PLGRKT: variants seen among roughly 807,000 people sequenced by gnomAD.
PLGRKT encodes plasminogen receptor (KT).
PLGRKT carries 22 observed loss-of-function variants against 18.5 expected under a neutral mutation model. That is an observed-to-expected ratio of 1.19 (90% CI 0.85 to 1.70). PLGRKT has a LOEUF of 1.70. PLGRKT is among the 40% of genes most tolerant of loss of function. The pLI is 0.00. For missense variants in PLGRKT, 235 were observed against 174.4 expected (o/e 1.35, Z -1.96); for synonymous variants, 72 against 52.8 (o/e 1.36, Z -1.58).
chr9:5,425,864 T>TA (rs1022179887), intron 3 of PLGRKT, among the ~76,000 whole-genome samples: 20 of 152,164 alleles, frequency 1.3e-4, no homozygotes, highest in Non-Finnish European at 2.2e-4. Flanking sequence ...AATAAAGAAC[T>TA]AAAAAAACTC....
intron 3 of PLGRKT, among the ~76,000 whole-genome samples, chr9:5,430,334 C>T (rs1043559457): frequency 1.3e-5 from 2 of 152,198 alleles, no homozygotes; most frequent in Admixed American, 6.5e-5. Flanking sequence ...ACGTGCTAAG[C>T]ATCGGATAGC....
chr9:5,403,404 T>C (rs1381440930), intron 3 of PLGRKT, among the ~76,000 whole-genome samples: 1 of 152,024 alleles, frequency 6.6e-6, no homozygotes, highest in Admixed American at 6.5e-5. Flanking sequence ...TCTGTATTTT[T>C]AGTAGAAACG....
chr9:5,378,735 C>A (rs1001183170), intron 3 of PLGRKT, among the ~76,000 whole-genome samples: 5 of 151,452 alleles, frequency 3.3e-5, no homozygotes, highest in African/African-American at 9.7e-5. Context: ...TGACATGAAG[C>A]AAAACTGTTG....
intron 3 of PLGRKT, among the ~76,000 whole-genome samples, chr9:5,376,064 T>C (rs778447838): frequency 2.0e-5 from 3 of 152,180 alleles, no homozygotes; most frequent in East Asian, 1.9e-4. Flanking sequence ...TGGATGAACT[T>C]TGGAGACGTT....
At chr9:5,430,719 T>C (rs1020287646) in intron 3 of PLGRKT, among the ~76,000 whole-genome samples, 1 of 152,206 alleles carries the variant, frequency 6.6e-6, no homozygotes, top group African/African-American at 2.4e-5. Flanking sequence ...TTTTAACCAC[T>C]AGCTACATGC....
At chr9:5,386,981 G>C (rs1339602867) in intron 3 of PLGRKT, among the ~76,000 whole-genome samples, 1 of 151,876 alleles carries the variant, frequency 6.6e-6, no homozygotes, top group African/African-American at 2.4e-5. Context: ...GGAGAAAGTG[G>C]CAGAAGACAA....
chr9:5,408,802 G>C (rs1446189564), intron 3 of PLGRKT, among the ~76,000 whole-genome samples: 2 of 152,240 alleles, frequency 1.3e-5, no homozygotes, highest in African/African-American at 4.8e-5. Context: ...GCCAGGCCCA[G>C]AGCCCCACTT....
intron 3 of PLGRKT, among the ~76,000 whole-genome samples, chr9:5,377,419 G>T (rs1162434757): frequency 1.3e-5 from 2 of 152,042 alleles, no homozygotes; most frequent in Admixed American, 6.6e-5. Context: ...AAAAATGTAA[G>T]CAGGGATTAC....
intron 3 of PLGRKT, among the ~76,000 whole-genome samples, chr9:5,411,684 G>C (rs1393811773): frequency 2.0e-5 from 3 of 152,128 alleles, no homozygotes; most frequent in Non-Finnish European, 4.4e-5. Context: ...CCTCTTGCTG[G>C]CTAGGTAAGA....
At chr9:5,401,954 G>C in intron 3 of PLGRKT, among the ~76,000 whole-genome samples, 1 of 151,340 alleles carries the variant, frequency 6.6e-6, no homozygotes, top group African/African-American at 2.4e-5. Context: ...TGTTTAGTGT[G>C]GATTTTTTTT....
intron 3 of PLGRKT, among the ~76,000 whole-genome samples, chr9:5,393,845 G>A (rs563076842): frequency 4.0e-4 from 61 of 151,776 alleles, no homozygotes; most frequent in South Asian, 1.9e-3. Context: ...ATAGATTTCC[G>A]TTTTAAAGAT....
Position 5,361,747 on chromosome 9 carries a change from A to G in PLGRKT, c.212+11T>C, listed in dbSNP as rs1212043717. ...TAAATGACTGAAGAAAATGTTAAATAGCAAACATACCCAGCTGTTAAAGAG... is the reference window on the plus strand; with the variant it reads ...TAAATGACTGAAGAAAATGTTAAATGGCAAACATACCCAGCTGTTAAAGAG... On this transcript the variant is annotated intron_variant, in intron 4 of 5. Coordinates refer to ENST00000223864, the MANE Select transcript of PLGRKT (RefSeq NM_018465.4). 1 of 1,591,028 alleles carries G rather than the reference A, an allele frequency of 6.3e-7. No homozygotes were observed. The highest frequency in any genetic ancestry group is 1.9e-5 in the Admixed American group (1 of 52,076).
At chr9:5,382,777 G>T (rs995035769) in intron 3 of PLGRKT, among the ~76,000 whole-genome samples, 1 of 152,234 alleles carries the variant, frequency 6.6e-6, no homozygotes, top group South Asian at 2.1e-4. Flanking sequence ...GTCCACTTCA[G>T]ACAGGCAGGT....
At chr9:5,390,360 T>C (rs990196197) in intron 3 of PLGRKT, among the ~76,000 whole-genome samples, 9 of 151,702 alleles carry the variant, frequency 5.9e-5, no homozygotes, top group Admixed American at 3.3e-4. Context: ...GGTAGCCTCA[T>C]GCTGGACCAG....
chr9:5,382,819 A>G (rs1406403064), intron 3 of PLGRKT, among the ~76,000 whole-genome samples: 1 of 152,182 alleles, frequency 6.6e-6, no homozygotes, highest in Non-Finnish European at 1.5e-5. Flanking sequence ...GATGGCACAG[A>G]CAGAAAGAAG....
intron 3 of PLGRKT, among the ~76,000 whole-genome samples, chr9:5,389,151 A>G (rs1372540219): frequency 4.6e-5 from 7 of 151,906 alleles, no homozygotes; most frequent in African/African-American, 1.7e-4. Flanking sequence ...GGAAGTGGCC[A>G]TAGTTATATG....
chr9:5,392,373 TTG>T (rs1180958858), intron 3 of PLGRKT: 1 of 151,996 alleles, frequency 6.6e-6, no homozygotes, highest in Non-Finnish European at 1.5e-5. Flanking sequence ...TTATCTTTAA[TTG>T]TGTCTTAAAA....
chr9:5,435,633 A>C (rs1818945881), intron 2 of PLGRKT, among the ~76,000 whole-genome samples: 1 of 152,282 alleles, frequency 6.6e-6, no homozygotes, highest in African/African-American at 2.4e-5. Flanking sequence ...TACAAGGGAC[A>C]GAACTCCAAT....
chr9:5,411,116 A>G (rs9987487), intron 3 of PLGRKT, among the ~76,000 whole-genome samples: 75,241 of 151,932 alleles, frequency 0.5, 18,800 homozygotes, highest in South Asian at 0.59. Flanking sequence ...AGTTGCGGTG[A>G]CTCACGCCTG....
Sources: gnomAD v4.1 joint callset for allele counts (sites outside exome capture counted in the v4.1 genomes callset) on GRCh38, gnomAD v4.1.1 for gene constraint, MANE v1.5 for transcripts, NCBI Gene and HGNC (gene_info 2026-07-23, HGNC 2026-07-21) for gene names.